Variants in SEC22C observed in about 807,000 individuals in gnomAD.
SEC22C encodes the protein SEC22 homolog C, vesicle trafficking protein.
Under a neutral mutation model 34.7 loss-of-function variants are expected in SEC22C, and 29 were observed. That is an observed-to-expected ratio of 0.84 (90% CI 0.62 to 1.14). SEC22C has a LOEUF of 1.14. Among genes scored for constraint, SEC22C ranks in the 50% most tolerant of loss-of-function variants. The pLI, the probability that SEC22C is intolerant of heterozygous loss-of-function variation, is 0.00. For synonymous variants in SEC22C, 117 were observed against 132.8 expected (o/e 0.88, Z 0.82); for missense variants, 337 against 369.0 (o/e 0.91, Z 0.71).
Position 42,552,087 on chromosome 3 carries a change from C to G in SEC22C, c.*1161G>C. On this transcript the variant is annotated 3_prime_UTR_variant, in exon 7 of 7. Transcript: ENST00000264454. ...GAAACCTAAGGGATCTTATCCAGAA[C>G]CATATTTTGGAAAACTGTGATCAAT... The G allele has an allele frequency of 1.0e-6, 1 of 985,376 alleles. No homozygotes were observed. The highest frequency in any genetic ancestry group is 1.2e-6 in the Non-Finnish European group (1 of 829,902). The allele number at this position is 985,376 out of a possible 1,614,324, so 61.0% of individuals were successfully genotyped here.
At chr3:42,570,188 A>T (rs1260410741) in intron 1 of SEC22C, among the ~76,000 whole-genome samples, 3 of 152,146 alleles carry the variant, frequency 2.0e-5, no homozygotes, top group Admixed American at 6.5e-5. Flanking sequence ...CAAGATGCAC[A>T]CTACTCTTCA....
At chr3:42,598,471 G>A (rs965520028) in intron 1 of SEC22C, among the ~76,000 whole-genome samples, 1 of 151,892 alleles carries the variant, frequency 6.6e-6, no homozygotes, top group African/African-American at 2.4e-5. Flanking sequence ...GGGATTACAG[G>A]TGCCTGCCAC....
At chr3:42,576,243 T>A (rs1017807850) in intron 1 of SEC22C, among the ~76,000 whole-genome samples, 1 of 152,018 alleles carries the variant, frequency 6.6e-6, no homozygotes, top group African/African-American at 2.4e-5. Flanking sequence ...AATGCTTACA[T>A]TCCAAAAGAA....
At chr3:42,559,939 A>G (rs1367275390) in intron 4 of SEC22C, among the ~76,000 whole-genome samples, 1 of 151,796 alleles carries the variant, frequency 6.6e-6, no homozygotes, top group African/African-American at 2.4e-5. Flanking sequence ...ACAGGGATAG[A>G]GGGAGATCCC....
intron 1 of SEC22C, among the ~76,000 whole-genome samples, chr3:42,571,693 T>C (rs943782041): frequency 4.6e-5 from 7 of 152,250 alleles, no homozygotes; most frequent in African/African-American, 1.2e-4. Context: ...TGAGACAGCC[T>C]GTACTCAAAT....
intron 2 of SEC22C, chr3:42,565,846 A>C: frequency 2.2e-6 from 1 of 453,102 alleles, no homozygotes; most frequent in South Asian, 1.6e-5. Flanking sequence ...TAGGGAACTA[A>C]CACACTCCTT....
rs146027964 is a variant in SEC22C, at chr3:42,594,623, A to G, written c.-28+6337T>C. On this transcript the variant is annotated intron_variant, in intron 1 of 6. Transcript: ENST00000417572. ...CTTTACCAACTCAACTGGTTAAAAC[A>G]TGAATGAAACCTCTGTGGCTCTTTC... is the stretch of plus-strand genomic sequence containing the variant. The G allele has an allele frequency of 4.2e-5, 36 of 854,408 alleles. No homozygotes were observed. In the African/African-American group the frequency reaches 4.9e-4, roughly 12 times the overall value. The allele number at this position is 854,408 out of a possible 1,614,324, so 52.9% of individuals were successfully genotyped here.
chr3:42,564,754 GTGTTT>G (rs372871236), intron 2 of SEC22C, among the ~76,000 whole-genome samples: 1 of 152,084 alleles, frequency 6.6e-6, no homozygotes, highest in African/African-American at 2.4e-5. Flanking sequence ...TTATGCAAGA[GTGTTT>G]TGTTTTGTTT....
chr3:42,599,368 T>A (rs1258116414), intron 1 of SEC22C, among the ~76,000 whole-genome samples: 1 of 151,538 alleles, frequency 6.6e-6, no homozygotes, highest in East Asian at 1.9e-4. Flanking sequence ...CACACATATA[T>A]GGTCACAAGG....
chr3:42,566,066 T>C (rs1703217251), intron 2 of SEC22C, among the ~76,000 whole-genome samples: 1 of 152,208 alleles, frequency 6.6e-6, no homozygotes, highest in South Asian at 2.1e-4. Context: ...AGAAAAGCTT[T>C]CCTATTTGAA....
Position 42,548,541 on chromosome 3 carries a change from G to A in SEC22C, c.*4707C>T. The A allele has an allele frequency of 6.5e-7, 1 of 1,548,138 alleles. No individual in the cohort carries two copies. The highest frequency in any genetic ancestry group is 8.9e-7 in the Non-Finnish European group (1 of 1,122,668). On this transcript the variant is annotated 3_prime_UTR_variant, in exon 7 of 7. Transcript: ENST00000264454. Reference sequence around the variant, plus strand: ...GCTCCCTGCTGATGAGATTTCCCCAGCAGCAGAAGTTTGACATCACTGCTC... The same window carrying A: ...GCTCCCTGCTGATGAGATTTCCCCAACAGCAGAAGTTTGACATCACTGCTC...
intron 1 of SEC22C, among the ~76,000 whole-genome samples, chr3:42,592,002 A>G (rs935198702): frequency 1.3e-5 from 2 of 152,118 alleles, no homozygotes; most frequent in Non-Finnish European, 2.9e-5. Flanking sequence ...TTGACTGCTA[A>G]GCTTCCTCTC....
intron 1 of SEC22C, among the ~76,000 whole-genome samples, chr3:42,597,330 C>A (rs920277994): frequency 2.6e-5 from 4 of 152,140 alleles, no homozygotes; most frequent in African/African-American, 9.7e-5. Flanking sequence ...CCAACGCGGG[C>A]AGATCACAAG....
chr3:42,566,493 G>C (rs570497991), intron 2 of SEC22C, among the ~76,000 whole-genome samples: 3 of 151,752 alleles, frequency 2.0e-5, no homozygotes, highest in Non-Finnish European at 4.4e-5. Context: ...TGGCTAACAC[G>C]GTGAAACGCC....
rs146525113 is a variant in SEC22C, at chr3:42,554,148, C to A, written c.712-700G>T. Among the ~76,000 whole-genome samples the A allele has an allele frequency of 2.0e-3, 305 of 151,726 alleles. 1 individual carries two copies. Among genetic ancestry groups the A allele is most frequent in the African/African-American group, 7.0e-3 (290 of 41,346 alleles). On this transcript the variant is annotated intron_variant, in intron 6 of 6. Transcript: ENST00000264454. The stretch of plus-strand genomic sequence containing the variant: ...AACATGGATCAATCTGACAAAGGTT[C>A]AATCTACAGAGGGAGGGAGTGAGCT...
chr3:42,576,394 A>G (rs1252122830), intron 1 of SEC22C, among the ~76,000 whole-genome samples: 1 of 152,182 alleles, frequency 6.6e-6, no homozygotes, highest in Non-Finnish European at 1.5e-5. Context: ...AGAAAAATCA[A>G]TGAAACAAAA....
In SEC22C at chr3:42,551,770, T is replaced by A. The variant is rs902275500; in HGVS notation, c.*1478A>T. 1.0e-6 allele frequency: 1 copy of A among 969,168 alleles called. No individual in the cohort carries two copies. The highest frequency in any genetic ancestry group is 1.2e-6 in the Non-Finnish European group (1 of 815,094). The allele number at this position is 969,168 out of a possible 1,614,324, so 60.0% of individuals were successfully genotyped here. A position where few individuals can be genotyped will look rare whatever the true frequency, so the allele number is the denominator to read the frequency against. The stretch of plus-strand genomic sequence containing the variant: ...TTTCTTAAAATGATAACAAGGTAGC[T>A]CAATAACAATACAATACCAGTGATA... On this transcript the variant is annotated 3_prime_UTR_variant, in exon 7 of 7. Transcript: ENST00000264454.
intron 1 of SEC22C, chr3:42,600,839 G>C: frequency 2.3e-6 from 1 of 442,412 alleles, no homozygotes; most frequent in Non-Finnish European, 3.9e-6. Flanking sequence ...GGGGCGGGAG[G>C]GGGCCTCGTC....
chr3:42,563,836 C>A, intron 2 of SEC22C, 150 bp from the exon 3 acceptor site: 1 of 1,520,890 alleles, frequency 6.6e-7, no homozygotes, highest in Non-Finnish European at 8.8e-7. Context: ...CTCTTCAGTT[C>A]GACCTATTCC....
Sources: allele counts gnomAD v4.1 joint callset (sites outside exome capture counted in the v4.1 genomes callset), GRCh38; gene constraint gnomAD v4.1.1; transcripts MANE v1.5; gene names NCBI Gene and HGNC (gene_info 2026-07-23, HGNC 2026-07-21).